Variants in HIP1R observed in about 807,000 individuals in gnomAD.
HIP1R encodes the protein huntingtin interacting protein 1 related, also known as huntingtin-interacting protein 1-related protein.
In HIP1R, 135 loss-of-function variants were observed where a neutral mutation model predicts 144.2. The ratio of observed to expected loss-of-function variants is 0.94; its 90% CI spans 0.81 to 1.08. The LOEUF is 1.08. Ranked by LOEUF, HIP1R falls within the 50% of genes least tolerant of loss-of-function variation. HIP1R has a pLI of 0.00. For missense variants in HIP1R, 1,462 were observed against 1,432.8 expected (o/e 1.02, Z -0.33); for synonymous variants, 698 against 612.8 (o/e 1.14, Z -2.05).
rs1329256694 is a variant in HIP1R at position 122,859,176 on chromosome 12, G to A, written c.2274G>A (p.Gln758=). ...MQASLVRTPL[Q]GILQLGQELK... ...CCAGCCTGGTGCGGACACCCCTGCA[G>A]GGCATCCTTCAGCTGGGCCAGGTGA... The change falls in exon 22 of 32, where the codon CAG becomes CAA. Residue 758 remains glutamine, a synonymous_variant. Transcript: ENST00000253083. The A allele has an allele frequency of 6.3e-7, 1 of 1,575,106 alleles. No homozygotes were observed. The highest frequency in any genetic ancestry group is 8.6e-7 in the Non-Finnish European group (1 of 1,161,120).
Position 122,860,450 on chromosome 12 carries a change from G to A in HIP1R, c.2587G>A (p.Ala863Thr), listed in dbSNP as rs1362881983. 11 of 1,613,300 alleles carry A rather than the reference G, an allele frequency of 6.8e-6. No individual in the cohort carries two copies. The highest frequency in any genetic ancestry group is 1.6e-4 in the Middle Eastern group (1 of 6,084). Residue 863 changes from alanine (A) to threonine (T), a missense_variant, in exon 27 of 32, where the codon GCC (alanine) becomes ACC (threonine). By Grantham distance (58) the Ala-to-Thr change is moderately conservative. Around this residue, in one of 2 missense-constraint regions of HIP1R, gnomAD observed 1,112 missense variants for 1,011.7 expected, o/e 1.10. Transcript: ENST00000253083. Reference protein sequence around the residue: ...RGAATQQEFYAKNSRWTEGLI... With the variant: ...RGAATQQEFYTKNSRWTEGLI... ...GGCAGCCACGCAGCAGGAATTTTAC[G>A]CCAAGAACTCGCGCTGGACCGAAGG...
chr12:122,835,640 CCAGGCGAG>C lies in HIP1R; in HGVS notation c.92_93+6del. On this transcript the variant is annotated splice_donor_variant and splice_donor_5th_base_variant and coding_sequence_variant and intron_variant, in exon 1 of 32. Transcript: ENST00000253083. LOFTEE classifies it high-confidence loss of function. ...CCGAGCGCGAGCAGTTCGACAAGAC[CCAGGCGAG>C]CGGGCGGCGGGCGGCGGGCGGCGGG... The C allele has an allele frequency of 1.7e-6, 2 of 1,210,332 alleles. No individual in the cohort carries two copies. The highest frequency in any genetic ancestry group is 2.1e-6 in the Non-Finnish European group (2 of 972,090). The allele number at this position is 1,210,332 out of a possible 1,614,324, so 75.0% of individuals were successfully genotyped here. A position where few individuals can be genotyped will look rare whatever the true frequency, so the allele number is the denominator to read the frequency against.
intron 1 of HIP1R, among the ~76,000 whole-genome samples, chr12:122,845,301 C>T (rs1267128827): frequency 1.3e-5 from 2 of 152,206 alleles, no homozygotes; most frequent in Admixed American, 6.5e-5. Flanking sequence ...ACGGAGCAGC[C>T]ACAGACTCCC....
In HIP1R at chr12:122,859,183, C is replaced by G. The variant is rs1226811401; in HGVS notation, c.2281C>G (p.Leu761Val). The part of the protein sequence containing the change: ...SLVRTPLQGI[L>V]QLGQELKPKS... ...GGTGCGGACACCCCTGCAGGGCATCCTTCAGCTGGGCCAGGTGAGGCACAG... is the reference window on the plus strand; with the variant it reads ...GGTGCGGACACCCCTGCAGGGCATCGTTCAGCTGGGCCAGGTGAGGCACAG... The change falls in exon 22 of 32, where the codon CTT becomes GTT. Residue 761 changes from leucine to valine, a missense_variant. Physicochemically the swap from Leu to Val is conservative, Grantham distance 32. Coordinates refer to ENST00000253083, the MANE Select transcript of HIP1R (RefSeq NM_003959.3). 6.4e-7 allele frequency: 1 copy of G among 1,573,154 alleles called. No individual in the cohort carries two copies. Among genetic ancestry groups the G allele is most frequent in the Admixed American group, 1.9e-5 (1 of 53,526 alleles).
chr12:122,859,686 G>A, intron 23 of HIP1R, 86 bp from the exon 24 acceptor site: 3 of 1,501,984 alleles, frequency 2.0e-6, no homozygotes, highest in Middle Eastern at 1.7e-4. Flanking sequence ...TGAGGTCAGA[G>A]CTGAGAGGGC....
intron 5 of HIP1R, chr12:122,850,171 G>A (rs557340185): frequency 8.9e-6 from 6 of 675,372 alleles, no homozygotes; most frequent in Middle Eastern, 2.4e-4. Context: ...ACGTGGGCAC[G>A]GGCTTCCCCA....
At chr12:122,839,133 G>A (rs968739674) in intron 1 of HIP1R, among the ~76,000 whole-genome samples, 3 of 152,164 alleles carry the variant, frequency 2.0e-5, no homozygotes, top group East Asian at 1.9e-4. Flanking sequence ...TCCCTTCCTC[G>A]GCTGAAAAGT....
At chr12:122,834,991 G>C (rs1372661481), upstream of HIP1R, 1 of 1,288,874 alleles carries the variant, frequency 7.8e-7, no homozygotes, top group Admixed American at 2.3e-5. Context: ...TCTTGCCCTG[G>C]TGCAGACAAG....
At chr12:122,848,209 G>T in intron 2 of HIP1R, 115 bp downstream of exon 2, 1 of 1,146,024 alleles carries the variant, frequency 8.7e-7, no homozygotes. Flanking sequence ...CACTGAGCCC[G>T]GGGAGGAGGG....
rs758312684 is a variant in HIP1R, at chr12:122,859,162, C to T, written c.2260C>T (p.Arg754Trp). Residue 754 changes from arginine (R) to tryptophan (W), a missense_variant, in exon 22 of 32, where the codon CGG becomes TGG. Coordinates refer to ENST00000253083, the MANE Select transcript of HIP1R (RefSeq NM_003959.3). The stretch of plus-strand genomic sequence containing the variant: ...GCGGCACATGCAGGCCAGCCTGGTG[C>T]GGACACCCCTGCAGGGCATCCTTCA... ...ALRHMQASLV[R>W]TPLQGILQLG... 11 of 1,578,140 alleles carry T rather than the reference C, an allele frequency of 7.0e-6. No homozygotes were observed. Among genetic ancestry groups the T allele is most frequent in the East Asian group, 2.3e-5 (1 of 42,978 alleles).
Position 122,859,922 on chromosome 12 carries a change from G to C in HIP1R, c.2465+92G>C, listed in dbSNP as rs867417142. 3.2e-5 allele frequency: 48 copies of C among 1,479,860 alleles called. 3 individuals carry two copies. In the Middle Eastern group the frequency reaches 7.2e-3, roughly 222 times the overall value. The allele number at this position is 1,479,860 out of a possible 1,614,324, so 91.7% of individuals were successfully genotyped here. On this transcript the variant is annotated intron_variant, in intron 24 of 31. Coordinates refer to ENST00000253083, the MANE Select transcript of HIP1R (RefSeq NM_003959.3). ...CCCCAACTGTTCTGCTCACGGGAAA[G>C]GAAGGCCTGGCTCAGAGCAGACACT... is the stretch of plus-strand genomic sequence containing the variant.
chr12:122,859,708 C>T, intron 23 of HIP1R, 64 bp from the exon 24 acceptor site: 3 of 1,576,112 alleles, frequency 1.9e-6, no homozygotes, highest in East Asian at 4.5e-5. Flanking sequence ...GGAGGCAGCC[C>T]TGGCTTTCCC....
intron 4 of HIP1R, among the ~76,000 whole-genome samples, chr12:122,849,536 C>T (rs991008093): frequency 2.6e-5 from 4 of 152,214 alleles, no homozygotes; most frequent in African/African-American, 9.7e-5. Context: ...CCGCAGGGGC[C>T]GTGGGGCTGG....
intron 27 of HIP1R, 26 bp downstream of exon 27, chr12:122,860,549 C>T (rs759000581): frequency 6.4e-7 from 1 of 1,570,652 alleles, no homozygotes; most frequent in Non-Finnish European, 8.8e-7. Context: ...TGGGGGGGGG[C>T]AGGGGGCTGC....
At chr12:122,843,808 A>G (rs1044892779) in intron 1 of HIP1R, among the ~76,000 whole-genome samples, 1 of 151,734 alleles carries the variant, frequency 6.6e-6, no homozygotes, top group Non-Finnish European at 1.5e-5. Context: ...GGACCCTCCA[A>G]CTCCCTTCTG....
In HIP1R at chr12:122,836,065, G is replaced by C. The variant is rs919930433; in HGVS notation, c.93+422G>C. Among the ~76,000 whole-genome samples, 1 of 152,072 alleles carries C rather than the reference G, an allele frequency of 6.6e-6. No homozygotes were observed. The highest frequency in any genetic ancestry group is 6.5e-5 in the Admixed American group (1 of 15,276). On this transcript the variant is annotated intron_variant, in intron 1 of 31. Coordinates refer to ENST00000253083, the MANE Select transcript of HIP1R (RefSeq NM_003959.3). This position sits in a 1 kb window ranked among gnomAD's most constrained non-coding sequence, Gnocchi z 4.1. ...ATCCAGGTGCTCCCGGGGCCGGCGC[G>C]GCCCGACTGGGGTCCCCGACCTTCC...
In HIP1R at chr12:122,856,482, G is replaced by A. The variant is rs2033583656; in HGVS notation, c.1452G>A (p.Glu484=). ...QLTVTQQSQE[E]VARVKEQLAF... ...CGGTGACGCAGCAAAGCCAGGAGGA[G>A]GTGGCGCGGGTGAAGGAGCAGCTGG... Residue 484 remains glutamate (E), a synonymous_variant, in exon 16 of 32, where the codon GAG becomes GAA. Transcript: ENST00000253083. 1.3e-6 allele frequency: 2 copies of A among 1,589,788 alleles called. 1 individual carries two copies. Among genetic ancestry groups the A allele is most frequent in the Middle Eastern group, 3.3e-4 (2 of 6,038 alleles).
At chr12:122,848,891 G>A (rs1406864460) in intron 4 of HIP1R, 39 bp downstream of exon 4, 1 of 1,601,056 alleles carries the variant, frequency 6.2e-7, no homozygotes, top group African/African-American at 1.3e-5. Context: ...GGCATTCGGG[G>A]CTTTCCTGAG....
At chr12:122,860,642 T>A (rs761645949) in intron 27 of HIP1R, 37 bp from the exon 28 acceptor site, 1 of 1,592,602 alleles carries the variant, frequency 6.3e-7, no homozygotes, top group African/African-American at 1.3e-5. Flanking sequence ...GTCCGTGGGG[T>A]CAGAGACCCT....
Sources: gnomAD v4.1 joint callset for allele counts (sites outside exome capture counted in the v4.1 genomes callset) on GRCh38, gnomAD v4.1.1 for gene constraint, gnomAD v4.1.1 regional missense constraint, Gnocchi (gnomAD v3.1) non-coding constraint, MANE v1.5 for transcripts, NCBI Gene and HGNC (gene_info 2026-07-23, HGNC 2026-07-21) for gene names.